Variants in HCLS1 observed in about 807,000 individuals in gnomAD.
HCLS1 encodes the protein hematopoietic cell-specific Lyn substrate 1, also known as hematopoietic lineage cell-specific protein.
A neutral mutation model predicts 68.6 loss-of-function variants in HCLS1; 44 were observed. That is an observed-to-expected ratio of 0.64 (90% CI 0.50 to 0.82). HCLS1 has a LOEUF of 0.82. Among genes scored for constraint, HCLS1 ranks in the 40% least tolerant of loss-of-function variants. The pLI, the probability that HCLS1 is intolerant of heterozygous loss-of-function variation, is 0.00. For synonymous variants in HCLS1, 217 were observed against 225.8 expected (o/e 0.96, Z 0.35); for missense variants, 602 against 612.1 (o/e 0.98, Z 0.17).
intron 3 of HCLS1, among the ~76,000 whole-genome samples, chr3:121,651,150 A>G (rs1937741751): frequency 1.3e-5 from 2 of 152,142 alleles, no homozygotes. Flanking sequence ...CAATCAATCA[A>G]TCAATAAAGT....
rs1318619573 is a variant in HCLS1 at position 121,658,322 on chromosome 3, T to A, written c.26A>T (p.Asp9Val). Residue 9 changes from aspartate (D) to valine (V), a missense_variant, in exon 2 of 14, where the codon GAT becomes GTT. By Grantham distance (152) the Asp-to-Val change is radical. Transcript: ENST00000314583. MWKSVVGH[D>V]VSVSVETQGD... The stretch of plus-strand genomic sequence containing the variant: ...CTGGGTCTCCACGGAAACAGACACA[T>A]CATGGCCCACTACAGACTTCCACAT... 2 of 1,613,752 alleles carry A rather than the reference T, an allele frequency of 1.2e-6. No individual in the cohort carries two copies. Among genetic ancestry groups the A allele is most frequent in the East Asian group, 2.2e-5 (1 of 44,880 alleles).
intron 6 of HCLS1, among the ~76,000 whole-genome samples, chr3:121,637,707 G>T (rs753002605): frequency 7.2e-5 from 11 of 152,196 alleles, no homozygotes; most frequent in Non-Finnish European, 1.5e-4. Context: ...GGCCGAGGCA[G>T]GTGGATCACC....
intron 6 of HCLS1, among the ~76,000 whole-genome samples, chr3:121,639,296 TG>T (rs2049177123): frequency 6.6e-6 from 1 of 152,200 alleles, no homozygotes; most frequent in Non-Finnish European, 1.5e-5. Context: ...AAATAGACCA[TG>T]TGCCAGTCCA....
chr3:121,657,231 G>GCT, intron 3 of HCLS1, 48 bp downstream of exon 3: 1 of 1,518,762 alleles, frequency 6.6e-7, no homozygotes, highest in Admixed American at 1.8e-5. Context: ...TTTTCTTTGG[G>GCT]CTCTTCCCAT....
chr3:121,637,555 A>G (rs1442515945), intron 6 of HCLS1, among the ~76,000 whole-genome samples: 2 of 152,062 alleles, frequency 1.3e-5, no homozygotes, highest in African/African-American at 2.4e-5. Flanking sequence ...CAGAAAAAAA[A>G]AGGCAGATAC....
rs2049116259 is a variant in HCLS1, at chr3:121,633,125, A to G, written c.950T>C (p.Val317Ala). Residue 317 changes from valine (V) to alanine (A), a missense_variant, in exon 11 of 14, where the codon GTG becomes GCG. By Grantham distance (64) the Val-to-Ala change is moderately conservative (BLOSUM62 0). Transcript: ENST00000314583. ...CACTGGGTGTTCCCTGCTGGTTCTCACAGGCTCAGACTCTGATGATGGAGG... is the reference window on the plus strand; with the variant it reads ...CACTGGGTGTTCCCTGCTGGTTCTCGCAGGCTCAGACTCTGATGATGGAGG... Reference protein sequence around the residue: ...GTPPSSESEPVRTSREHPVPL... With the variant: ...GTPPSSESEPARTSREHPVPL... The G allele has an allele frequency of 6.2e-7, 1 of 1,612,928 alleles. No homozygotes were observed. The highest frequency in any genetic ancestry group is 1.1e-5 in the South Asian group (1 of 90,754).
chr3:121,646,991 T>TTTA (rs1937620394), intron 4 of HCLS1, among the ~76,000 whole-genome samples: 1 of 145,146 alleles, frequency 6.9e-6, no homozygotes, highest in Admixed American at 7.0e-5. Flanking sequence ...ATTTATTTTT[T>TTTA]TTTTTTTTGA....
At chr3:121,656,632 C>T (rs1157059800) in intron 3 of HCLS1, among the ~76,000 whole-genome samples, 1 of 152,196 alleles carries the variant, frequency 6.6e-6, no homozygotes, top group African/African-American at 2.4e-5. Flanking sequence ...GATCCCTGAA[C>T]ATCGTTGCCA....
chr3:121,656,608 G>A (rs1225879906), intron 3 of HCLS1, among the ~76,000 whole-genome samples: 1 of 152,122 alleles, frequency 6.6e-6, no homozygotes. Flanking sequence ...TGCATATGGG[G>A]CTATAATCTT....
chr3:121,647,050 C>T (rs953419099), intron 4 of HCLS1, among the ~76,000 whole-genome samples: 6 of 148,474 alleles, frequency 4.0e-5, no homozygotes, highest in Non-Finnish European at 5.9e-5. Flanking sequence ...GGCATGATCT[C>T]GGCTCACTGC....
At chr3:121,632,636 C>T in intron 11 of HCLS1, 73 bp from the exon 12 acceptor site, 15 of 1,351,690 alleles carry the variant, frequency 1.1e-5, no homozygotes, top group Non-Finnish European at 1.5e-5. Flanking sequence ...GATAAGATCC[C>T]CCGCCCTTCA....
intron 3 of HCLS1, among the ~76,000 whole-genome samples, chr3:121,654,958 G>C (rs1937828300): frequency 2.0e-5 from 3 of 152,170 alleles, no homozygotes; most frequent in Admixed American, 2.0e-4. Context: ...TTTTGATCCA[G>C]ATGGGCAAAA....
At chr3:121,644,649 T>C in intron 5 of HCLS1, 169 bp downstream of exon 5, 1 of 710,648 alleles carries the variant, frequency 1.4e-6, no homozygotes. Flanking sequence ...CTTCCAACAT[T>C]GGCACCAAGG....
intron 1 of HCLS1, among the ~76,000 whole-genome samples, chr3:121,659,413 A>G (rs1937943580): frequency 6.6e-6 from 1 of 152,014 alleles, no homozygotes; most frequent in Non-Finnish European, 1.5e-5. Flanking sequence ...ACCTCATCCC[A>G]TTGGAGACCT....
At chr3:121,659,526 T>G (rs1234895753) in intron 1 of HCLS1, among the ~76,000 whole-genome samples, 1 of 152,152 alleles carries the variant, frequency 6.6e-6, no homozygotes, top group African/African-American at 2.4e-5. Context: ...CTATTTCCAC[T>G]TGAAAGCTCC....
chr3:121,641,942 T>C (rs1020841307), intron 6 of HCLS1, among the ~76,000 whole-genome samples: 1 of 150,058 alleles, frequency 6.7e-6, no homozygotes, highest in East Asian at 2.0e-4. Flanking sequence ...TAGCCCGGCG[T>C]AGTGGCGGGT....
intron 6 of HCLS1, among the ~76,000 whole-genome samples, chr3:121,641,656 C>A (rs1450550476): frequency 6.6e-6 from 1 of 152,094 alleles, no homozygotes; most frequent in Non-Finnish European, 1.5e-5. Context: ...TTCCAATACA[C>A]TCAGGAAGAG....
chr3:121,659,466 A>G (rs1937944879), intron 1 of HCLS1, among the ~76,000 whole-genome samples: 1 of 150,774 alleles, frequency 6.6e-6, no homozygotes, highest in African/African-American at 2.4e-5. Flanking sequence ...CTTTACAACC[A>G]CTCCTCGGGT....
At chr3:121,654,228 A>C (rs1402971248) in intron 3 of HCLS1, 1 of 152,268 alleles carries the variant, frequency 6.6e-6, no homozygotes, top group Admixed American at 6.5e-5. Context: ...GAACTACTGG[A>C]CTCAAGTGAT....
Sources: allele counts gnomAD v4.1 joint callset (sites outside exome capture counted in the v4.1 genomes callset), GRCh38; gene constraint gnomAD v4.1.1; transcripts MANE v1.5; gene names NCBI Gene and HGNC (gene_info 2026-07-23, HGNC 2026-07-21).